Variants in STIM2 observed in about 807,000 individuals in gnomAD.
STIM2 encodes stromal interaction molecule 2.
STIM2 carries 31 observed loss-of-function variants against 85.8 expected under a neutral mutation model. The observed-to-expected ratio is 0.36, with a 90% confidence interval of 0.27 to 0.49. STIM2 has a LOEUF of 0.49. Among genes scored for constraint, STIM2 ranks in the 20% least tolerant of loss-of-function variants. The pLI, the probability that STIM2 is intolerant of heterozygous loss-of-function variation, is 0.98. For missense variants in STIM2, 841 were observed against 927.6 expected, an observed-to-expected ratio of 0.91 and a Z score of 1.21; for synonymous variants, 356 against 331.1, an observed-to-expected ratio of 1.08 and a Z score of -0.82.
intron 2 of STIM2, among the ~76,000 whole-genome samples, chr4:26,923,617 A>T (rs1479201535): frequency 7.9e-6 from 1 of 126,934 alleles, no homozygotes; most frequent in African/African-American, 3.0e-5. Flanking sequence ...AACTGCATCA[A>T]CTAATGAGCA....
chr4:26,960,244 A>AAGTAG (rs1264057026), intron 3 of STIM2, among the ~76,000 whole-genome samples: 1 of 152,218 alleles, frequency 6.6e-6, no homozygotes, highest in African/African-American at 2.4e-5. Context: ...AAAACTGCTG[A>AAGTAG]AGTAGAGATT....
chr4:26,928,007 A>G (rs906612569), intron 2 of STIM2, among the ~76,000 whole-genome samples: 1 of 151,786 alleles, frequency 6.6e-6, no homozygotes, highest in Non-Finnish European at 1.5e-5. Context: ...GGGAAGTCCA[A>G]CATCAAGGTG....
At chr4:26,999,525 C>A (rs923043352) in intron 5 of STIM2, among the ~76,000 whole-genome samples, 178 bp downstream of exon 5, 1 of 152,126 alleles carries the variant, frequency 6.6e-6, no homozygotes, top group Non-Finnish European at 1.5e-5. Flanking sequence ...GTCATTGAAA[C>A]ATGAGTGTGA....
At chr4:26,917,896 A>C (rs1724645041) in intron 1 of STIM2, among the ~76,000 whole-genome samples, 1 of 152,168 alleles carries the variant, frequency 6.6e-6, no homozygotes, top group Non-Finnish European at 1.5e-5. Flanking sequence ...TGCATCTTTT[A>C]AATAATTGCA....
At chr4:27,021,263 A>G (rs1728900222) in intron 11 of STIM2, 1 of 539,978 alleles carries the variant, frequency 1.9e-6, no homozygotes, top group Non-Finnish European at 3.3e-6. Context: ...GATTCTGCCT[A>G]TAAACAAGTT....
At chr4:26,891,597 A>ACC (rs1312544455) in intron 1 of STIM2, among the ~76,000 whole-genome samples, 2 of 130,288 alleles carry the variant, frequency 1.5e-5, no homozygotes, top group Admixed American at 7.8e-5. Flanking sequence ...ACACACACAC[A>ACC]CCCCCTTTTG....
intron 3 of STIM2, among the ~76,000 whole-genome samples, chr4:26,968,035 G>A (rs1343808570): frequency 1.3e-5 from 2 of 152,100 alleles, no homozygotes; most frequent in Admixed American, 6.5e-5. Context: ...GCCAGTCTTG[G>A]TAGTATGCAC....
At chr4:26,980,585 GA>G (rs1183599269) in intron 3 of STIM2, among the ~76,000 whole-genome samples, 4 of 152,146 alleles carry the variant, frequency 2.6e-5, no homozygotes. Flanking sequence ...TAGGCAATTA[GA>G]AAAAGAAAAA....
chr4:26,927,872 A>T (rs1012270456), intron 2 of STIM2, among the ~76,000 whole-genome samples: 1 of 146,612 alleles, frequency 6.8e-6, no homozygotes, highest in Admixed American at 6.9e-5. Context: ...TATATAAATT[A>T]TATATTAATA....
intron 3 of STIM2, among the ~76,000 whole-genome samples, chr4:26,982,103 T>A (rs1727419153): frequency 6.6e-6 from 1 of 152,202 alleles, no homozygotes; most frequent in South Asian, 2.1e-4. Flanking sequence ...AATGGTAACT[T>A]TTTGAATTCC....
At chr4:26,976,675 G>C (rs533217751) in intron 3 of STIM2, among the ~76,000 whole-genome samples, 1 of 151,846 alleles carries the variant, frequency 6.6e-6, no homozygotes, top group Non-Finnish European at 1.5e-5. Context: ...GGTGTGGTGC[G>C]CACCTGTAAT....
intron 1 of STIM2, among the ~76,000 whole-genome samples, chr4:26,892,299 C>G (rs1723521569): frequency 6.6e-6 from 1 of 152,152 alleles, no homozygotes; most frequent in African/African-American, 2.4e-5. Flanking sequence ...CTGAGAAATC[C>G]AAGATCAAGG....
intron 2 of STIM2, among the ~76,000 whole-genome samples, chr4:26,928,539 A>T (rs1015259676): frequency 6.6e-6 from 1 of 151,776 alleles, no homozygotes; most frequent in African/African-American, 2.4e-5. Flanking sequence ...TTAATTTTTA[A>T]TTTTTTTTAC....
intron 5 of STIM2, 95 bp downstream of exon 5, chr4:26,999,442 C>CT (rs915816773): frequency 1.4e-5 from 8 of 578,772 alleles, no homozygotes; most frequent in Non-Finnish European, 1.9e-5. Context: ...TAGTAGGCCT[C>CT]TAAGAAGAAT....
At chr4:27,014,099 G>A (rs724624) in intron 10 of STIM2, among the ~76,000 whole-genome samples, 53,477 of 151,630 alleles carry the variant, frequency 0.35, 10,577 homozygotes, top group Non-Finnish European at 0.45. Flanking sequence ...TTACTTATCT[G>A]TATCTTCTTT....
At chr4:26,879,880 A>G (rs578180488) in intron 1 of STIM2, among the ~76,000 whole-genome samples, 98 of 152,154 alleles carry the variant, frequency 6.4e-4, no homozygotes, top group South Asian at 2.9e-3. Context: ...TCTAGCCACC[A>G]CATTATGTCT....
intron 3 of STIM2, among the ~76,000 whole-genome samples, chr4:26,971,057 G>T (rs1726929868): frequency 6.6e-6 from 1 of 152,174 alleles, no homozygotes; most frequent in Admixed American, 6.5e-5. Context: ...AGAAGTGTCT[G>T]TTCATATCCT....
intron 3 of STIM2, among the ~76,000 whole-genome samples, chr4:26,973,005 T>C (rs1727023071): frequency 6.6e-6 from 1 of 152,244 alleles, no homozygotes; most frequent in Admixed American, 6.5e-5. Context: ...CCATTTCTTC[T>C]AGATTTTCTA....
At chr4:27,002,496 A>ATGTG in intron 6 of STIM2, 102 bp downstream of exon 6, 1 of 852,530 alleles carries the variant, frequency 1.2e-6, no homozygotes, top group Non-Finnish European at 1.8e-6. Context: ...GTTATTATAC[A>ATGTG]CATCAGGAAT....
Sources: gnomAD v4.1 joint callset for allele counts (sites outside exome capture counted in the v4.1 genomes callset) on GRCh38, gnomAD v4.1.1 for gene constraint, MANE v1.5 for transcripts, NCBI Gene and HGNC (gene_info 2026-07-23, HGNC 2026-07-21) for gene names.